Variants in PPP1R11 observed in about 807,000 individuals in gnomAD.
PPP1R11 encodes the protein E3 ubiquitin-protein ligase PPP1R11.
PPP1R11 carries 10 observed loss-of-function variants against 11.3 expected under a neutral mutation model. That is an observed-to-expected ratio of 0.88 (90% CI 0.55 to 1.50). The LOEUF is 1.50. Ranked by LOEUF, PPP1R11 falls within the 40% of genes most tolerant of loss-of-function variation. The pLI is 0.00. For missense variants in PPP1R11, 114 were observed against 179.1 expected, an observed-to-expected ratio of 0.64 and a Z score of 2.07; for synonymous variants, 56 against 62.3, an observed-to-expected ratio of 0.90 and a Z score of 0.48.
In PPP1R11 at chr6:30,067,326, C is replaced by A; in HGVS notation, c.-85C>A. The A allele has an allele frequency of 7.2e-7, 1 of 1,391,144 alleles. No individual in the cohort carries two copies. The highest frequency in any genetic ancestry group is 1.0e-6 in the Non-Finnish European group (1 of 986,428). The allele number at this position is 1,391,144 out of a possible 1,614,324, so 86.2% of individuals were successfully genotyped here. A position where few individuals can be genotyped will look rare whatever the true frequency, so the allele number is the denominator to read the frequency against. On this transcript the variant is annotated 5_prime_UTR_variant, in exon 1 of 3. Coordinates refer to ENST00000376772, the MANE Select transcript of PPP1R11 (RefSeq NM_021959.3). ...CCTGGCTACCACTCTGAATCCGATACCGCTTCTCTTAGACCTCAGCGACAG... is the reference window on the plus strand; with the variant it reads ...CCTGGCTACCACTCTGAATCCGATAACGCTTCTCTTAGACCTCAGCGACAG...
At chr6:30,061,493 A>ATT in the PPP1R11 span, 1 of 1,609,862 alleles carries the variant, frequency 6.2e-7, no homozygotes, top group Non-Finnish European at 8.5e-7. The surrounding 1 kb of genome is among the most constrained non-coding windows in gnomAD (Gnocchi z 5.0). Context: ...TTTTGTTAAT[A>ATT]AACTTCCAAC....
At chr6:30,067,506 T>C in intron 1 of PPP1R11, 27 bp downstream of exon 1, 1 of 1,604,478 alleles carries the variant, frequency 6.2e-7, no homozygotes, top group Non-Finnish European at 8.5e-7. Flanking sequence ...GGCGGTGCTG[T>C]TTAGGGGTCT....
chr6:30,062,174 G>A, upstream of PPP1R11: 1 of 1,507,706 alleles, frequency 6.6e-7, no homozygotes, highest in East Asian at 2.3e-5. Flanking sequence ...ATTCCTGTGG[G>A]AAGTAAGGGG....
upstream of PPP1R11, chr6:30,066,852 C>A (rs551669548): frequency 6.5e-6 from 1 of 154,072 alleles, no homozygotes; most frequent in African/African-American, 2.4e-5. Context: ...TACTATTGCT[C>A]CTTAAGCTTC....
chr6:30,068,718 C>G lies in PPP1R11; in HGVS notation c.178+20C>G, dbSNP rs752740934. The G allele has an allele frequency of 5.0e-6, 8 of 1,596,064 alleles. No individual in the cohort carries two copies. On this transcript the variant is annotated intron_variant, in intron 2 of 2. Coordinates refer to ENST00000376772, the MANE Select transcript of PPP1R11 (RefSeq NM_021959.3). ...CCAAATGTGAGTAATTGTTGGCCCG[C>G]AGTAGCCCTGGAGTTCTGGCTCCCT...
At position 30,067,492 on chromosome 6, in the gene PPP1R11, G is replaced by C. The variant is rs201876290; in HGVS notation, c.69+13G>C. 6.2e-6 allele frequency: 10 copies of C among 1,612,834 alleles called. No homozygotes were observed. The highest frequency in any genetic ancestry group is 8.5e-6 in the Non-Finnish European group (10 of 1,178,810). ...GACAACCGAGCCCGTGAGAAAGGCG[G>C]GGGGGCGGTGCTGTTTAGGGGTCTG... is the stretch of plus-strand genomic sequence containing the variant. On this transcript the variant is annotated intron_variant, in intron 1 of 2. Transcript: ENST00000376772.
In PPP1R11 at chr6:30,068,717, G is replaced by T; in HGVS notation, c.178+19G>T. The T allele has an allele frequency of 6.3e-7, 1 of 1,595,676 alleles. No homozygotes were observed. Among genetic ancestry groups the T allele is most frequent in the Non-Finnish European group, 8.6e-7 (1 of 1,165,240 alleles). On this transcript the variant is annotated intron_variant, in intron 2 of 2. Coordinates refer to ENST00000376772, the MANE Select transcript of PPP1R11 (RefSeq NM_021959.3). ...TCCAAATGTGAGTAATTGTTGGCCC[G>T]CAGTAGCCCTGGAGTTCTGGCTCCC...
At chr6:30,061,488 TTAATA>T in the PPP1R11 span, 3 of 1,609,086 alleles carry the variant, frequency 1.9e-6, no homozygotes, top group Non-Finnish European at 2.5e-6. The surrounding 1 kb of genome is among the most constrained non-coding windows in gnomAD (Gnocchi z 5.0). Context: ...CTCTCTTTTG[TTAATA>T]AACTTCCAAC....
At position 30,069,287 on chromosome 6, in the gene PPP1R11, C is replaced by T. The variant is rs1489964401; in HGVS notation, c.362C>T (p.Pro121Leu). 2 of 1,606,594 alleles carry T rather than the reference C, an allele frequency of 1.2e-6. No individual in the cohort carries two copies. The highest frequency in any genetic ancestry group is 1.7e-5 in the Admixed American group (1 of 59,590). ...CCTCCTGACCCTTCCCAGCCCCCTC[C>T]AGGGCCAATGCAGCACTAAATCCCT... ...PQPPDPSQPPPGPMQH is the reference protein window; with the variant it reads ...PQPPDPSQPPLGPMQH The change falls in exon 3 of 3, where the codon CCA becomes CTA. Residue 121 changes from proline to leucine, a missense_variant. Pro to Leu is a moderately conservative substitution (Grantham distance 98, BLOSUM62 -3). Coordinates refer to ENST00000376772, the MANE Select transcript of PPP1R11 (RefSeq NM_021959.3). The surrounding 1 kb of genome is among the most constrained non-coding windows in gnomAD (Gnocchi z 6.6).
chr6:30,062,714 C>CCTTTTTTTTTTTTTTTTTT (rs749507630), upstream of PPP1R11, among the ~76,000 whole-genome samples: 13 of 42,386 alleles, frequency 3.1e-4, 3 homozygotes, highest in South Asian at 1.3e-3. Context: ...CCACGCCTGG[C>CCTTTTTTTTTTTTTTTTTT]TTTTTTTTTT....
chr6:30,061,683 A>T, the PPP1R11 span: 1 of 1,612,780 alleles, frequency 6.2e-7, no homozygotes, highest in Non-Finnish European at 8.5e-7. This position sits in a 1 kb window ranked among gnomAD's most constrained non-coding sequence, Gnocchi z 5.0. Context: ...AGAGGCTTGT[A>T]CGCAGGGGTC....
intron 1 of PPP1R11, 188 bp from the exon 2 acceptor site, chr6:30,068,402 A>G: frequency 2.0e-6 from 1 of 497,084 alleles, no homozygotes; most frequent in Non-Finnish European, 3.6e-6. Flanking sequence ...AACAGGAAAT[A>G]ATACTTATTC....
intron 1 of PPP1R11, among the ~76,000 whole-genome samples, chr6:30,067,824 G>A (rs982574265): frequency 1.3e-5 from 2 of 152,118 alleles, no homozygotes; most frequent in African/African-American, 4.8e-5. Flanking sequence ...AGCATGGTTG[G>A]AGGCCAACTT....
rs561647723 is a variant in PPP1R11, at chr6:30,069,279, G to A, written c.354G>A (p.Gln118=). 37 of 1,585,824 alleles carry A rather than the reference G, an allele frequency of 2.3e-5. No individual in the cohort carries two copies. Among genetic ancestry groups the A allele is most frequent in the Non-Finnish European group, 3.1e-5 (36 of 1,162,160 alleles). ...CTCCCCAGCCTCCTGACCCTTCCCA[G>A]CCCCCTCCAGGGCCAATGCAGCACT... is the stretch of plus-strand genomic sequence containing the variant. The part of the protein sequence containing the change: ...TTPPQPPDPS[Q]PPPGPMQH Residue 118 remains glutamine (Q), a synonymous_variant, in exon 3 of 3, where the codon CAG becomes CAA. Coordinates refer to ENST00000376772, the MANE Select transcript of PPP1R11 (RefSeq NM_021959.3). The surrounding 1 kb of genome is among the most constrained non-coding windows in gnomAD (Gnocchi z 6.6).
upstream of PPP1R11, chr6:30,062,194 G>A: frequency 6.4e-7 from 1 of 1,568,994 alleles, no homozygotes; most frequent in Non-Finnish European, 8.8e-7. Context: ...GATATGACCA[G>A]GCCTCCCTAA....
upstream of PPP1R11, chr6:30,061,833 C>A: frequency 6.4e-7 from 1 of 1,564,058 alleles, no homozygotes; most frequent in Non-Finnish European, 8.8e-7. The surrounding 1 kb of genome is among the most constrained non-coding windows in gnomAD (Gnocchi z 5.0). Flanking sequence ...GGCCTCCTGG[C>A]CTAACCAGCC....
intron 1 of PPP1R11, 28 bp downstream of exon 1, chr6:30,067,507 T>G: frequency 6.2e-7 from 1 of 1,605,432 alleles, no homozygotes; most frequent in Non-Finnish European, 8.5e-7. Flanking sequence ...GCGGTGCTGT[T>G]TAGGGGTCTG....
At position 30,069,971 on chromosome 6, in the gene PPP1R11, T is replaced by G. The variant is rs1049089458; in HGVS notation, c.*665T>G. On this transcript the variant is annotated 3_prime_UTR_variant, in exon 3 of 3. Coordinates refer to ENST00000376772, the MANE Select transcript of PPP1R11 (RefSeq NM_021959.3). This position sits in a 1 kb window ranked among gnomAD's most constrained non-coding sequence, Gnocchi z 6.6. ...TGTTATTTAGGATTTCTGACAAAGC[T>G]GGCTTGAGATTGGTCACTTAGAGCC... 2 of 152,250 alleles carry G rather than the reference T, an allele frequency of 1.3e-5. No homozygotes were observed. The highest frequency in any genetic ancestry group is 4.8e-5 in the African/African-American group (2 of 41,460). 9.4% of individuals were successfully genotyped at this position (152,250 alleles called of 1,614,324 possible).
At position 30,067,269 on chromosome 6, in the gene PPP1R11, C is replaced by T. The variant is rs1174661349; in HGVS notation, c.-142C>T. 2.8e-5 allele frequency: 24 copies of T among 850,074 alleles called. No homozygotes were observed. The East Asian group carries it at 6.4e-4, about 23-fold the overall frequency. The allele number at this position is 850,074 out of a possible 1,614,324, so 52.7% of individuals were successfully genotyped here. Reference sequence around the variant, plus strand: ...CCCCAGGGGTGGAGAAGCGGAGGCCCAGGAGGAGGGGGAATAAAGAAGGTG... The same window carrying T: ...CCCCAGGGGTGGAGAAGCGGAGGCCTAGGAGGAGGGGGAATAAAGAAGGTG... On this transcript the variant is annotated 5_prime_UTR_variant, in exon 1 of 3. Transcript: ENST00000376772.
Sources: gnomAD v4.1 joint callset for allele counts (sites outside exome capture counted in the v4.1 genomes callset) on GRCh38, gnomAD v4.1.1 for gene constraint, Gnocchi (gnomAD v3.1) non-coding constraint, MANE v1.5 for transcripts, NCBI Gene and HGNC (gene_info 2026-07-23, HGNC 2026-07-21) for gene names.